Variants in GRIP1 observed in about 807,000 individuals in gnomAD.
GRIP1 encodes glutamate receptor interacting protein 1.
GRIP1 carries 45 observed loss-of-function variants against 129.9 expected under a neutral mutation model. The observed-to-expected ratio is 0.35, with a 90% confidence interval of 0.27 to 0.44. The LOEUF is 0.44. Ranked by LOEUF, GRIP1 falls within the 20% of genes least tolerant of loss-of-function variation. The pLI is 1.00. For synonymous variants in GRIP1, 530 were observed against 520.8 expected, an observed-to-expected ratio of 1.02 and a Z score of -0.24; for missense variants, 1,196 against 1,396.8, an observed-to-expected ratio of 0.86 and a Z score of 2.29.
At chr12:66,715,824 T>C (rs1179738342) in intron 1 of GRIP1, among the ~76,000 whole-genome samples, 1 of 152,042 alleles carries the variant, frequency 6.6e-6, no homozygotes, top group Non-Finnish European at 1.5e-5. Flanking sequence ...GAAGAAATGG[T>C]GACTATTTGA....
At chr12:66,434,088 A>T (rs1565733440) in intron 13 of GRIP1, among the ~76,000 whole-genome samples, 1 of 152,214 alleles carries the variant, frequency 6.6e-6, no homozygotes, top group Non-Finnish European at 1.5e-5. Flanking sequence ...TTCAGGTATT[A>T]AATGTCTCAC....
chr12:66,650,146 A>G (rs548078574), intron 1 of GRIP1, among the ~76,000 whole-genome samples: 51 of 152,178 alleles, frequency 3.4e-4, no homozygotes, highest in African/African-American at 1.2e-3. Context: ...GTAGCTCCAC[A>G]TCCAAGGGAG....
In GRIP1 at chr12:66,541,918, T is replaced by C. The variant is rs1287179524; in HGVS notation, c.169A>G (p.Met57Val). The C allele has an allele frequency of 1.2e-5, 19 of 1,613,894 alleles. No homozygotes were observed. Among genetic ancestry groups the C allele is most frequent in the Non-Finnish European group, 1.6e-5 (19 of 1,179,886 alleles). Reference sequence around the variant, plus strand: ...CCCAGGGTAGTGCCTTCCTTCTTCATCAGCTCGACGACTGTGGAGCCCTTG... The same window carrying C: ...CCCAGGGTAGTGCCTTCCTTCTTCACCAGCTCGACGACTGTGGAGCCCTTG... ...EFKGSTVVEL[M>V]KKEGTTLGLT... Residue 57 changes from methionine to valine, a missense_variant, in exon 3 of 25, where the codon ATG becomes GTG. By Grantham distance (21) the Met-to-Val change is conservative (BLOSUM62 1). Coordinates refer to ENST00000359742, the MANE Select transcript of GRIP1 (RefSeq NM_001366722.1).
At chr12:66,525,757 G>T (rs1405918156) in intron 5 of GRIP1, among the ~76,000 whole-genome samples, 2 of 152,184 alleles carry the variant, frequency 1.3e-5, no homozygotes, top group Admixed American at 6.5e-5. Context: ...GTTTGCAGAT[G>T]ATGTGATTGT....
intron 1 of GRIP1, among the ~76,000 whole-genome samples, chr12:66,855,030 GCTT>G (rs1242529378): frequency 1.3e-5 from 2 of 151,802 alleles, no homozygotes; most frequent in Admixed American, 1.3e-4. Flanking sequence ...TTTTCTATCT[GCTT>G]ATTATTTATT....
At chr12:66,555,139 C>A (rs2062279593) in intron 2 of GRIP1, among the ~76,000 whole-genome samples, 1 of 152,150 alleles carries the variant, frequency 6.6e-6, no homozygotes, top group Admixed American at 6.5e-5. Flanking sequence ...AGTGCAGTCC[C>A]AGTGATAGTG....
intron 1 of GRIP1, among the ~76,000 whole-genome samples, chr12:66,856,827 G>T (rs940956135): frequency 7.9e-5 from 12 of 151,862 alleles, no homozygotes; most frequent in South Asian, 2.1e-4. Context: ...ATTCCTCAGG[G>T]ATCTAGAACT....
chr12:66,522,200 C>T (rs2061037958), intron 5 of GRIP1, among the ~76,000 whole-genome samples: 1 of 152,232 alleles, frequency 6.6e-6, no homozygotes, highest in Non-Finnish European at 1.5e-5. Context: ...GGCAAACTGC[C>T]TCCTCAAGTG....
chr12:66,717,196 T>C (rs1306230146), intron 1 of GRIP1, among the ~76,000 whole-genome samples: 4 of 152,116 alleles, frequency 2.6e-5, no homozygotes, highest in Admixed American at 6.6e-5. Context: ...CAACAACTTA[T>C]GGCAGAAAAT....
At position 66,767,572 on chromosome 12, in the gene GRIP1, T is replaced by TAA. The variant is rs35610268; in HGVS notation, c.-420+36479_-420+36480dup. Among the ~76,000 whole-genome samples the TAA allele has an allele frequency of 1.8e-3, 267 of 145,952 alleles. 1 individual carries two copies. Among genetic ancestry groups the TAA allele is most frequent in the East Asian group, 9.9e-3 (49 of 4,960 alleles). On this transcript the variant is annotated intron_variant, in intron 1 of 4. Transcript: ENST00000538373. ...TCTCAGCAAGTGGCTGTCTCTGTAT[T>TAA]AAAAAAAAAAAAAGGCTTTAATCAG...
chr12:66,673,393 T>C (rs1233878463), intron 1 of GRIP1, among the ~76,000 whole-genome samples: 1 of 152,192 alleles, frequency 6.6e-6, no homozygotes, highest in African/African-American at 2.4e-5. Context: ...TATCCTACAT[T>C]GGCCCTCCTT....
intron 1 of GRIP1, among the ~76,000 whole-genome samples, chr12:66,935,960 A>G (rs1372620827): frequency 6.6e-6 from 1 of 152,190 alleles, no homozygotes; most frequent in East Asian, 1.9e-4. Flanking sequence ...TCAAATATAG[A>G]AGTACAGAGA....
chr12:66,595,526 G>A (rs2064015682), intron 2 of GRIP1, among the ~76,000 whole-genome samples: 1 of 152,206 alleles, frequency 6.6e-6, no homozygotes, highest in Admixed American at 6.5e-5. Context: ...AGAAAGAATT[G>A]ATGGGTAACT....
At chr12:66,432,301 C>T (rs1049197309) in intron 14 of GRIP1, among the ~76,000 whole-genome samples, 1 of 151,924 alleles carries the variant, frequency 6.6e-6, no homozygotes, top group Non-Finnish European at 1.5e-5. Context: ...TAAAACAATC[C>T]TATATTTTCT....
intron 1 of GRIP1, among the ~76,000 whole-genome samples, chr12:66,952,614 A>G (rs2041775676): frequency 6.6e-6 from 1 of 152,214 alleles, no homozygotes; most frequent in South Asian, 2.1e-4. Context: ...GCTATGGTAA[A>G]ACAGGACTTA....
chr12:66,968,619 G>A (rs2042030124), intron 1 of GRIP1, among the ~76,000 whole-genome samples: 1 of 152,082 alleles, frequency 6.6e-6, no homozygotes, highest in South Asian at 2.1e-4. Context: ...TTCATGTGTA[G>A]TTCAGATAAC....
At chr12:66,612,235 C>T (rs1456363931) in intron 1 of GRIP1, among the ~76,000 whole-genome samples, 2 of 152,126 alleles carry the variant, frequency 1.3e-5, no homozygotes, top group Non-Finnish European at 2.9e-5. Context: ...TGTACTTACA[C>T]AATCCCAGAT....
chr12:66,596,066 T>C (rs924860425), intron 2 of GRIP1, among the ~76,000 whole-genome samples: 1 of 152,216 alleles, frequency 6.6e-6, no homozygotes, highest in Non-Finnish European at 1.5e-5. Context: ...TTGTATAAAA[T>C]ATATAATACA....
intron 1 of GRIP1, among the ~76,000 whole-genome samples, chr12:66,862,782 A>G (rs1353302591): frequency 6.6e-6 from 1 of 152,084 alleles, no homozygotes; most frequent in African/African-American, 2.4e-5. Context: ...GCCCTGCTGT[A>G]CTGGCAGAGA....
Sources: gnomAD v4.1 joint callset for allele counts (sites outside exome capture counted in the v4.1 genomes callset) on GRCh38, gnomAD v4.1.1 for gene constraint, MANE v1.5 for transcripts, NCBI Gene and HGNC (gene_info 2026-07-23, HGNC 2026-07-21) for gene names.